Variants in HDAC7 observed in about 807,000 individuals in gnomAD.
HDAC7 encodes histone deacetylase 7.
Under a neutral mutation model 115.5 loss-of-function variants are expected in HDAC7, and 26 were observed. The ratio of observed to expected loss-of-function variants is 0.23; its 90% CI spans 0.16 to 0.31. The LOEUF (loss-of-function observed/expected upper bound fraction) is 0.31. Among genes scored for constraint, HDAC7 ranks in the 10% least tolerant of loss-of-function variants. The probability of loss-of-function intolerance (pLI) is 1.00; values close to 1 mark genes in which losing one functional copy is unlikely to be tolerated. For missense variants in HDAC7, 1,068 were observed against 1,329.0 expected (o/e 0.80, Z 3.05); for synonymous variants, 564 against 550.9 (o/e 1.02, Z -0.33).
At chr12:47,785,261 C>T in intron 24 of HDAC7, 126 bp downstream of exon 24, 1 of 772,078 alleles carries the variant, frequency 1.3e-6, no homozygotes, top group Non-Finnish European at 2.1e-6. Context: ...TCACAGGAAT[C>T]TTACTCCAGA....
intron 24 of HDAC7, 194 bp downstream of exon 24, chr12:47,785,193 G>C (rs769543820): frequency 8.5e-6 from 5 of 586,784 alleles, no homozygotes; most frequent in Non-Finnish European, 1.5e-5. Flanking sequence ...GGCTCCATCG[G>C]GGGGGCTCAG....
At chr12:47,805,023 C>G (rs947970324) in intron 1 of HDAC7, among the ~76,000 whole-genome samples, 6 of 151,978 alleles carry the variant, frequency 3.9e-5, no homozygotes, top group Non-Finnish European at 5.9e-5. Flanking sequence ...TCCCCAGGAG[C>G]ACTGCCACCT....
Position 47,798,527 on chromosome 12 carries a change from GGGGCT to G in HDAC7, c.349+30_349+34del. 1.9e-6 allele frequency: 3 copies of G among 1,593,420 alleles called. No homozygotes were observed. The highest frequency in any genetic ancestry group is 1.1e-5 in the South Asian group (1 of 90,584). Reference sequence around the variant, plus strand: ...AGGCAGCCGCAGGCACCTGGCTGGTGGGGCTGGGCTGGGCTGGGGTGGCCACCTCC... The same window carrying G: ...AGGCAGCCGCAGGCACCTGGCTGGTGGGGCTGGGCTGGGGTGGCCACCTCC... On this transcript the variant is annotated intron_variant, in intron 4 of 25. Transcript: ENST00000080059. The surrounding 1 kb of genome is among the most constrained non-coding windows in gnomAD (Gnocchi z 4.3).
chr12:47,819,662 C>G (rs888935474), intron 1 of HDAC7, 105 bp downstream of exon 1: 1 of 180,494 alleles, frequency 5.5e-6, no homozygotes, highest in Admixed American at 6.6e-5. Context: ...GAGCCCGAGC[C>G]GGAGCCGGAG....
chr12:47,805,278 C>T (rs567791606), intron 1 of HDAC7, among the ~76,000 whole-genome samples: 2 of 150,770 alleles, frequency 1.3e-5, no homozygotes, highest in South Asian at 2.1e-4. Flanking sequence ...TTTGTAGAGA[C>T]GAAGTCTTCC....
rs1328426993 is a variant in HDAC7 at position 47,791,703 on chromosome 12, G to C, written c.1816C>G (p.Leu606Val). The C allele has an allele frequency of 3.1e-6, 5 of 1,613,682 alleles. No individual in the cohort carries two copies. The Admixed American group carries it at 6.7e-5, about 22-fold the overall frequency. ...TCCAGGGAGGCCTTCCGGCCTCGGAGACACTGAAAAGGGGACCACAGAGCT... is the reference window on the plus strand; with the variant it reads ...TCCAGGGAGGCCTTCCGGCCTCGGACACACTGAAAAGGGGACCACAGAGCT... ...ERGLRSQCEC[L>V]RGRKASLEEL... is the part of the protein sequence containing the mutation. The change falls in exon 15 of 26, where the codon CTC (leucine) becomes GTC (valine). Residue 606 changes from leucine to valine, a missense_variant. Leu to Val is a conservative substitution (Grantham distance 32, BLOSUM62 1). Transcript: ENST00000080059.
At chr12:47,808,612 C>T (rs1459962499) in intron 1 of HDAC7, among the ~76,000 whole-genome samples, 1 of 152,196 alleles carries the variant, frequency 6.6e-6, no homozygotes, top group Non-Finnish European at 1.5e-5. Flanking sequence ...CAGGGGTCCT[C>T]CCAGCCCTGT....
In HDAC7 at chr12:47,795,907, C is replaced by A. The variant is rs1297010100; in HGVS notation, c.905G>T (p.Arg302Met). The A allele has an allele frequency of 7.1e-6, 11 of 1,548,568 alleles. No homozygotes were observed. The Admixed American group carries it at 2.2e-4, about 30-fold the overall frequency. Residue 302 changes from arginine (R) to methionine (M), a missense_variant and splice_region_variant, in exon 9 of 26, where the codon AGG (arginine) becomes ATG (methionine). Arg to Met is a moderately conservative substitution (Grantham distance 91, BLOSUM62 -1). This residue lies in a region of HDAC7 where 618 missense variants were observed against 701.5 expected (regional missense o/e 0.88). Transcript: ENST00000080059. The surrounding 1 kb of genome is among the most constrained non-coding windows in gnomAD (Gnocchi z 4.3). ...GGGGTGGGCACCCCAGCCACTCACCCTGGCAGGGGCGGGCAGCCCCAGAGT... is the reference window on the plus strand; with the variant it reads ...GGGGTGGGCACCCCAGCCACTCACCATGGCAGGGGCGGGCAGCCCCAGAGT... ...AITLGLPAPA[R>M]ADSDRRTHPT...
chr12:47,790,182 T>G, intron 16 of HDAC7: 1 of 480,990 alleles, frequency 2.1e-6, no homozygotes, highest in East Asian at 3.8e-5. Context: ...GCCTCCCCGG[T>G]CAGGGGAGGG....
At chr12:47,790,789 A>G (rs1284733823) in intron 16 of HDAC7, 3 of 193,650 alleles carry the variant, frequency 1.5e-5, no homozygotes, top group South Asian at 8.4e-5. Context: ...GTTTGGGGCT[A>G]TGTCCCGGAG....
intron 7 of HDAC7, 39 bp downstream of exon 7, chr12:47,796,978 T>C: frequency 6.6e-7 from 1 of 1,510,614 alleles, no homozygotes; most frequent in Non-Finnish European, 8.8e-7. Flanking sequence ...ACCAGCCAGG[T>C]TTGAGGATGG....
Position 47,797,073 on chromosome 12 carries a change from A to G in HDAC7, c.647T>C (p.Leu216Pro). 6.2e-7 allele frequency: 1 copy of G among 1,607,168 alleles called. No homozygotes were observed. Among genetic ancestry groups the G allele is most frequent in the Non-Finnish European group, 8.5e-7 (1 of 1,176,920 alleles). Residue 216 changes from leucine to proline, a missense_variant, in exon 7 of 26, where the codon CTC becomes CCC. Leu to Pro is a moderately conservative substitution (Grantham distance 98, BLOSUM62 -3). Coordinates refer to ENST00000080059, the MANE Select transcript of HDAC7 (RefSeq NM_015401.5). The surrounding 1 kb of genome is among the most constrained non-coding windows in gnomAD (Gnocchi z 5.5). ...KSLERRKNPL[L>P]RKESAPPSLR... ...GCTGGGGGGCGCACTCTCCTTTCGG[A>G]GCAGTGGATTCTTCCTCCGCTCCAG...
intron 24 of HDAC7, chr12:47,785,043 GA>G: frequency 1.8e-6 from 1 of 567,866 alleles, no homozygotes. Flanking sequence ...CTGTGGCCAG[GA>G]CTGAGGGGAG....
Position 47,793,969 on chromosome 12 carries a change from C to T in HDAC7, c.1459-381G>A, listed in dbSNP as rs939386976. ...TATGGAGTAAATTATGTTCCCCACC[C>T]TCAAATTTATATGTTGAAGTCCCAA... On this transcript the variant is annotated intron_variant, in intron 12 of 25. Coordinates refer to ENST00000080059, the MANE Select transcript of HDAC7 (RefSeq NM_015401.5). The surrounding 1 kb of genome is among the most constrained non-coding windows in gnomAD (Gnocchi z 4.5). Among the ~76,000 whole-genome samples, 18 of 152,172 alleles carry T rather than the reference C, an allele frequency of 1.2e-4. No individual in the cohort carries two copies. Among genetic ancestry groups the T allele is most frequent in the Non-Finnish European group, 2.2e-4 (15 of 68,016 alleles).
Position 47,795,796 on chromosome 12 carries a change from G to T in HDAC7, c.907-29C>A. 1 of 1,517,772 alleles carries T rather than the reference G, an allele frequency of 6.6e-7. No individual in the cohort carries two copies. The highest frequency in any genetic ancestry group is 8.9e-7 in the Non-Finnish European group (1 of 1,129,286). 94.0% of individuals were successfully genotyped at this position (1,517,772 alleles called of 1,614,324 possible). On this transcript the variant is annotated intron_variant, in intron 9 of 25. Transcript: ENST00000080059. This position sits in a 1 kb window ranked among gnomAD's most constrained non-coding sequence, Gnocchi z 4.3. ...GGGGAGAGGCGGGAGAAGTCACGGGGAAGAAGATTCCAGCAGAGAACAATG... is the reference window on the plus strand; with the variant it reads ...GGGGAGAGGCGGGAGAAGTCACGGGTAAGAAGATTCCAGCAGAGAACAATG...
At position 47,785,482 on chromosome 12, in the gene HDAC7, C is replaced by T. The variant is rs761946116; in HGVS notation, c.2707-11G>A. The T allele has an allele frequency of 3.1e-6, 5 of 1,604,648 alleles. No individual in the cohort carries two copies. Among genetic ancestry groups the T allele is most frequent in the Middle Eastern group, 1.7e-4 (1 of 5,998 alleles). On this transcript the variant is annotated splice_polypyrimidine_tract_variant and intron_variant, in intron 23 of 25. Coordinates refer to ENST00000080059, the MANE Select transcript of HDAC7 (RefSeq NM_015401.5). Reference sequence around the variant, plus strand: ...TGAAAGGGGATCCACCTATAGAAAACAGTACATCAGCCACCAGTCTCTCAG... The same window carrying T: ...TGAAAGGGGATCCACCTATAGAAAATAGTACATCAGCCACCAGTCTCTCAG...
intron 16 of HDAC7, chr12:47,791,024 C>T (rs1031599630): frequency 1.0e-5 from 6 of 575,660 alleles, no homozygotes; most frequent in African/African-American, 9.7e-5. Context: ...CTACCAGACA[C>T]CTTCTAGGGG....
chr12:47,794,875 A>G lies in HDAC7; in HGVS notation c.1343T>C (p.Leu448Pro), dbSNP rs754972327. The change falls in exon 12 of 26, where the codon CTG (leucine) becomes CCG (proline). Residue 448 changes from leucine to proline, a missense_variant. Physicochemically the swap from Leu to Pro is moderately conservative, Grantham distance 98. Around this residue, in one of 6 missense-constraint regions of HDAC7, gnomAD observed 618 missense variants for 701.5 expected, o/e 0.88. Transcript: ENST00000080059. ...RLRQIPSAED[L>P]ETDGGGPGQV... is the part of the protein sequence containing the mutation. ...GCCCGGTCCCCCGCCATCTGTCTCC[A>G]GGTCTTCAGCCGAGGGTATCTGCCG... 8 of 1,613,288 alleles carry G rather than the reference A, an allele frequency of 5.0e-6. No homozygotes were observed. In the South Asian group the frequency reaches 6.6e-5, roughly 13 times the overall value.
chr12:47,797,136 T>G lies in HDAC7; in HGVS notation c.584A>C (p.Glu195Ala). ...CTTATAGCGCAGCTTCAGGTTGGGC[T>G]CAGAGACTGCAGGGAGCACCAGCGT... Reference protein sequence around the residue: ...EHFPLRKTVSEPNLKLRYKPK... With the variant: ...EHFPLRKTVSAPNLKLRYKPK... Residue 195 changes from glutamate to alanine, a missense_variant, in exon 7 of 26, where the codon GAG (glutamate) becomes GCG (alanine). Glu to Ala is a moderately radical substitution (Grantham distance 107). Transcript: ENST00000080059. This position sits in a 1 kb window ranked among gnomAD's most constrained non-coding sequence, Gnocchi z 5.5. 1.9e-6 allele frequency: 3 copies of G among 1,595,690 alleles called. No homozygotes were observed. Among genetic ancestry groups the G allele is most frequent in the Non-Finnish European group, 1.7e-6 (2 of 1,171,610 alleles).
Sources: allele counts gnomAD v4.1 joint callset (sites outside exome capture counted in the v4.1 genomes callset), GRCh38; gene constraint gnomAD v4.1.1; regional missense constraint gnomAD v4.1.1; non-coding constraint Gnocchi (gnomAD v3.1); transcripts MANE v1.5; gene names NCBI Gene and HGNC (gene_info 2026-07-23, HGNC 2026-07-21).